The following SUPT6H variants were observed in gnomAD, a reference collection of about 807,000 sequenced individuals.
SUPT6H encodes the protein SPT6 homolog, histone chaperone and transcription elongation factor.
SUPT6H carries 11 observed loss-of-function variants against 222.3 expected under a neutral mutation model. The observed-to-expected ratio is 0.05, with a 90% CI of 0.03 to 0.08. The LOEUF is 0.08. SUPT6H is among the 10% of genes least tolerant of loss of function. The pLI, the probability that SUPT6H is intolerant of heterozygous loss-of-function variation, is 1.00. For synonymous variants in SUPT6H, 762 were observed against 801.2 expected, an observed-to-expected ratio of 0.95 and a Z score of 0.83; for missense variants, 1,422 against 2,216.0, an observed-to-expected ratio of 0.64 and a Z score of 7.19.
Position 28,682,992 on chromosome 17 carries a change from C to T in SUPT6H, c.1778C>T (p.Ala593Val). ...CTAGAAGGCGCCCGCTACATGGTAG[C>T]CCTGCAGATTGCCCGTGAGCCCCTT... is the stretch of plus-strand genomic sequence containing the variant. The part of the protein sequence containing the change: ...AVLEGARYMV[A>V]LQIAREPLVR... Residue 593 changes from alanine (A) to valine (V), a missense_variant, in exon 15 of 37, where the codon GCC (alanine) becomes GTC (valine). Ala to Val is a moderately conservative substitution (Grantham distance 64, BLOSUM62 0). Coordinates refer to ENST00000314616, the MANE Select transcript of SUPT6H (RefSeq NM_003170.5). The T allele has an allele frequency of 6.2e-7, 1 of 1,613,814 alleles. No homozygotes were observed. Among genetic ancestry groups the T allele is most frequent in the Non-Finnish European group, 8.5e-7 (1 of 1,179,872 alleles).
At chr17:28,675,336 C>T (rs535525739) in intron 5 of SUPT6H, 65 bp from the exon 6 acceptor site, 1 of 1,585,834 alleles carries the variant, frequency 6.3e-7, no homozygotes, top group African/African-American at 1.3e-5. Flanking sequence ...ATAGTAGGAA[C>T]CAAAGCAATT....
intron 1 of SUPT6H, among the ~76,000 whole-genome samples, chr17:28,664,912 A>G (rs1385802046): frequency 1.3e-5 from 2 of 152,114 alleles, no homozygotes; most frequent in South Asian, 2.1e-4. Flanking sequence ...CACTTGCAGA[A>G]TGTTTTTGTA....
At position 28,691,243 on chromosome 17, in the gene SUPT6H, A is replaced by G. The variant is rs1049604699; in HGVS notation, c.3633+180A>G. ...TGAAGTCCCTTCTGAGAAGGCTGAC[A>G]TAGCTGGGCACGGTGGCTCACGCCT... On this transcript the variant is annotated intron_variant, in intron 27 of 36. Coordinates refer to ENST00000314616, the MANE Select transcript of SUPT6H (RefSeq NM_003170.5). 1.4e-5 allele frequency: 12 copies of G among 835,794 alleles called. No individual in the cohort carries two copies. The Admixed American group carries it at 1.9e-4, about 13-fold the overall frequency. The allele number at this position is 835,794 out of a possible 1,614,324, so 51.8% of individuals were successfully genotyped here. A position where few individuals can be genotyped will look rare whatever the true frequency, so the allele number is the denominator to read the frequency against.
At chr17:28,694,467 C>T (rs565762820) in intron 28 of SUPT6H, among the ~76,000 whole-genome samples, 1 of 152,088 alleles carries the variant, frequency 6.6e-6, no homozygotes, top group Non-Finnish European at 1.5e-5. Flanking sequence ...TCAGAATCAC[C>T]CAGTTAGTGA....
intron 32 of SUPT6H, 75 bp downstream of exon 32, chr17:28,698,105 AG>A: frequency 1.3e-6 from 2 of 1,532,690 alleles, no homozygotes; most frequent in Non-Finnish European, 1.7e-6. Flanking sequence ...GGCCCGGAGC[AG>A]TGCCCTCTCT....
chr17:28,667,298 G>A (rs2030086622), intron 1 of SUPT6H, among the ~76,000 whole-genome samples: 1 of 144,658 alleles, frequency 6.9e-6, no homozygotes, highest in Non-Finnish European at 1.5e-5. Context: ...GTGACCCCAG[G>A]AGGCGGAGCT....
At position 28,688,378 on chromosome 17, in the gene SUPT6H, A is replaced by G. The variant is rs986716580; in HGVS notation, c.3134+160A>G. ...TTATTCAGTCAAGAGCCCCTGACCT[A>G]TGGAAAAGATCGGTTCAATCATGTG... On this transcript the variant is annotated intron_variant, in intron 24 of 36. Transcript: ENST00000314616. The surrounding 1 kb of genome is among the most constrained non-coding windows in gnomAD (Gnocchi z 4.3). The G allele has an allele frequency of 3.9e-5, 32 of 815,928 alleles. No individual in the cohort carries two copies. Among genetic ancestry groups the G allele is most frequent in the Non-Finnish European group, 5.4e-5 (31 of 575,752 alleles). The allele number at this position is 815,928 out of a possible 1,614,324, so 50.5% of individuals were successfully genotyped here. A position where few individuals can be genotyped will look rare whatever the true frequency, so the allele number is the denominator to read the frequency against.
intron 26 of SUPT6H, 149 bp downstream of exon 26, chr17:28,690,378 G>T (rs948401924): frequency 9.8e-7 from 1 of 1,020,610 alleles, no homozygotes. Flanking sequence ...AAGAGTCCTG[G>T]ACTGGAAATC....
At chr17:28,695,091 T>G in intron 28 of SUPT6H, 2 of 404,838 alleles carry the variant, frequency 4.9e-6, no homozygotes, top group Non-Finnish European at 8.9e-6. Flanking sequence ...AAGAGAAGAG[T>G]GCCAGGGACA....
At chr17:28,685,036 G>A (rs2031313045) in intron 19 of SUPT6H, 75 bp downstream of exon 19, 12 of 1,388,816 alleles carry the variant, frequency 8.6e-6, no homozygotes, top group East Asian at 7.4e-5. Context: ...AAGTGTTTAC[G>A]GTCTAAGCAA....
At chr17:28,690,341 A>C in intron 26 of SUPT6H, 112 bp downstream of exon 26, 1 of 1,313,022 alleles carries the variant, frequency 7.6e-7, no homozygotes, top group East Asian at 2.4e-5. Context: ...TACATGGGGA[A>C]GGCCAGGAGA....
intron 7 of SUPT6H, among the ~76,000 whole-genome samples, chr17:28,676,933 C>T (rs62066800): frequency 1.3e-5 from 2 of 151,946 alleles, no homozygotes; most frequent in African/African-American, 2.4e-5. Context: ...AAAAAAAAAC[C>T]ATGAAATGCT....
At chr17:28,692,992 C>G (rs1435360665) in intron 27 of SUPT6H, among the ~76,000 whole-genome samples, 1 of 143,170 alleles carries the variant, frequency 7.0e-6, no homozygotes, top group Non-Finnish European at 1.5e-5. Context: ...CAGAGCAAGA[C>G]TCTGTCTCAA....
Position 28,681,376 on chromosome 17 carries a change from G to A in SUPT6H, c.1470G>A (p.Lys490=). ...CCAAAGCTAGCCGCAAGAAGCTGAA[G>A]CGTGTCAGGGAAGAGGGAGATGAAG... The part of the protein sequence containing the change: ...NAAKASRKKL[K]RVREEGDEEG... The change falls in exon 12 of 37, where the codon AAG becomes AAA. Residue 490 remains lysine, a synonymous_variant. Coordinates refer to ENST00000314616, the MANE Select transcript of SUPT6H (RefSeq NM_003170.5). 5 of 1,610,092 alleles carry A rather than the reference G, an allele frequency of 3.1e-6. No individual in the cohort carries two copies. The highest frequency in any genetic ancestry group is 4.2e-6 in the Non-Finnish European group (5 of 1,178,488).
At chr17:28,699,056 A>G (rs1286328691) in intron 32 of SUPT6H, among the ~76,000 whole-genome samples, 1 of 152,216 alleles carries the variant, frequency 6.6e-6, no homozygotes, top group Non-Finnish European at 1.5e-5. Flanking sequence ...GTTAGGAGGC[A>G]GGTGTCAGCC....
At position 28,697,888 on chromosome 17, in the gene SUPT6H, C is replaced by T. The variant is rs770689399; in HGVS notation, c.4324-18C>T. The T allele has an allele frequency of 6.2e-7, 1 of 1,613,160 alleles. No homozygotes were observed. The highest frequency in any genetic ancestry group is 1.3e-5 in the African/African-American group (1 of 75,004). ...AGCATGCTGCTATCCCAACCTCTCC[C>T]CCTCATTCTACCCCCAGAAATTAGA... On this transcript the variant is annotated intron_variant, in intron 31 of 36. Transcript: ENST00000314616.
chr17:28,694,766 A>G (rs2031820259), intron 28 of SUPT6H, among the ~76,000 whole-genome samples: 1 of 152,188 alleles, frequency 6.6e-6, no homozygotes, highest in African/African-American at 2.4e-5. Context: ...TTGGGAGGCC[A>G]AGGTGGGTGA....
At chr17:28,665,920 A>T (rs934176610) in intron 1 of SUPT6H, among the ~76,000 whole-genome samples, 1 of 152,156 alleles carries the variant, frequency 6.6e-6, no homozygotes, top group Non-Finnish European at 1.5e-5. Context: ...CATCTCAGAA[A>T]ATAATAAGTT....
Position 28,687,196 on chromosome 17 carries a change from A to G in SUPT6H, c.2809A>G (p.Ile937Val). The change falls in exon 22 of 37, where the codon ATC (isoleucine) becomes GTC (valine). Residue 937 changes from isoleucine to valine, a missense_variant. Physicochemically the swap from Ile to Val is conservative, Grantham distance 29. This residue lies in a region of SUPT6H where 294 missense variants were observed against 382.1 expected (regional missense o/e 0.77). Transcript: ENST00000314616. ...CCAGGTGTGCAGTTCCGATGAAGAC[A>G]TCCTGTGTCTCAAGTTTCACCCCTT... ...FAQVCSSDED[I>V]LCLKFHPLQE... 6.2e-7 allele frequency: 1 copy of G among 1,614,170 alleles called. No homozygotes were observed. The highest frequency in any genetic ancestry group is 1.3e-5 in the African/African-American group (1 of 75,036).
Sources: allele counts gnomAD v4.1 joint callset (sites outside exome capture counted in the v4.1 genomes callset), GRCh38; gene constraint gnomAD v4.1.1; regional missense constraint gnomAD v4.1.1; non-coding constraint Gnocchi (gnomAD v3.1); transcripts MANE v1.5; gene names NCBI Gene and HGNC (gene_info 2026-07-23, HGNC 2026-07-21).